The following ZNF652 variants were observed in gnomAD, a reference collection of about 807,000 sequenced individuals.
ZNF652 encodes the protein zinc finger protein 652.
In ZNF652, 16 loss-of-function variants were observed where a neutral mutation model predicts 45.2. The observed-to-expected ratio is 0.35, with a 90% CI of 0.24 to 0.54. ZNF652 has a LOEUF of 0.54. ZNF652 is among the 20% of genes least tolerant of loss of function. ZNF652 has a pLI of 0.91. For synonymous variants in ZNF652, 250 were observed against 260.6 expected (o/e 0.96, Z 0.39); for missense variants, 614 against 765.6 (o/e 0.80, Z 2.34).
At chr17:49,314,641 T>G (rs1477880138) in intron 2 of ZNF652, among the ~76,000 whole-genome samples, 1 of 152,202 alleles carries the variant, frequency 6.6e-6, no homozygotes, top group African/African-American at 2.4e-5. Context: ...TTAGGCATAA[T>G]GTGTATCAGA....
chr17:49,310,627 C>T (rs2069696533), intron 5 of ZNF652, among the ~76,000 whole-genome samples: 2 of 152,250 alleles, frequency 1.3e-5, no homozygotes, highest in African/African-American at 4.8e-5. Flanking sequence ...AGGGGCTGGG[C>T]TTGGTGGCTC....
At chr17:49,327,837 C>T (rs1400865636) in intron 1 of ZNF652, among the ~76,000 whole-genome samples, 7 of 118,332 alleles carry the variant, frequency 5.9e-5, no homozygotes, top group African/African-American at 1.9e-4. Flanking sequence ...AGGCTGGTCT[C>T]GAAGTCCTGG....
At chr17:49,305,185 T>C (rs903461948) in intron 5 of ZNF652, among the ~76,000 whole-genome samples, 4 of 152,302 alleles carry the variant, frequency 2.6e-5, no homozygotes, top group Admixed American at 2.6e-4. Context: ...ACCAAGTTCA[T>C]TCAAACAAAT....
At chr17:49,361,179 A>C (rs542260692) in intron 1 of ZNF652, 1 of 152,318 alleles carries the variant, frequency 6.6e-6, no homozygotes, top group African/African-American at 2.4e-5. Context: ...TCAAAGCTGG[A>C]CCTTTTCAGA....
intron 3 of ZNF652, 97 bp from the exon 4 acceptor site, chr17:49,312,139 T>A: frequency 1.4e-6 from 1 of 700,004 alleles, no homozygotes; most frequent in Non-Finnish European, 2.4e-6. Flanking sequence ...CATCCTAATT[T>A]TCTACACTGA....
rs888966997 is a variant in ZNF652, at chr17:49,289,601, C to T, written c.*8812G>A. The T allele has an allele frequency of 6.6e-6, 1 of 152,242 alleles. No individual in the cohort carries two copies. Among genetic ancestry groups the T allele is most frequent in the Non-Finnish European group, 1.5e-5 (1 of 68,058 alleles). 9.4% of individuals were successfully genotyped at this position (152,242 alleles called of 1,614,324 possible). ...AGCGGAGCTCAGTTCCACCTCACTG[C>T]AGTTCCCTGGGGCCAAGCAGCCCTC... On this transcript the variant is annotated 3_prime_UTR_variant, in exon 6 of 6. Coordinates refer to ENST00000430262, the MANE Select transcript of ZNF652 (RefSeq NM_001145365.3).
At position 49,312,159 on chromosome 17, in the gene ZNF652, C is replaced by CTTT. The variant is rs34553823; in HGVS notation, c.1049-120_1049-118dup. 8.4e-3 allele frequency: 1,163 copies of CTTT among 139,068 alleles called. 7 individuals carry two copies. The highest frequency in any genetic ancestry group is 0.01 in the African/African-American group (211 of 20,364). The allele number at this position is 139,068 out of a possible 1,614,324, so 8.6% of individuals were successfully genotyped here. ...TAATTTTCTACACTGATTTGTGAGG[C>CTTT]TTTTTTTTTTTTTTTTTTTTTTTTG... On this transcript the variant is annotated intron_variant, in intron 3 of 5. Coordinates refer to ENST00000430262, the MANE Select transcript of ZNF652 (RefSeq NM_001145365.3).
intron 1 of ZNF652, among the ~76,000 whole-genome samples, chr17:49,351,236 G>C (rs918667665): frequency 1.3e-5 from 2 of 151,364 alleles, no homozygotes; most frequent in African/African-American, 4.9e-5. Context: ...AAGAAAACCT[G>C]ACTGACTTCT....
At chr17:49,315,803 A>C (rs2069795423) in intron 2 of ZNF652, among the ~76,000 whole-genome samples, 1 of 152,226 alleles carries the variant, frequency 6.6e-6, no homozygotes, top group Admixed American at 6.5e-5. Context: ...CAATTGGTGA[A>C]TCAAAAGCGG....
At chr17:49,333,578 G>A (rs1387995158) in intron 1 of ZNF652, among the ~76,000 whole-genome samples, 1 of 121,582 alleles carries the variant, frequency 8.2e-6, no homozygotes, top group African/African-American at 2.9e-5. Context: ...AAATTACCCA[G>A]GTGTGGTGGC....
At chr17:49,336,610 C>T (rs1042384726) in intron 1 of ZNF652, among the ~76,000 whole-genome samples, 1 of 151,536 alleles carries the variant, frequency 6.6e-6, no homozygotes, top group Non-Finnish European at 1.5e-5. Flanking sequence ...ATTACGTGAG[C>T]CACGGTGCCC....
intron 1 of ZNF652, among the ~76,000 whole-genome samples, chr17:49,350,294 T>C (rs1477076782): frequency 6.6e-6 from 1 of 151,698 alleles, no homozygotes; most frequent in African/African-American, 2.4e-5. Flanking sequence ...ATCCCAGCAC[T>C]TTGGGAGGCC....
At chr17:49,346,484 G>A (rs1241283599) in intron 1 of ZNF652, among the ~76,000 whole-genome samples, 3 of 152,266 alleles carry the variant, frequency 2.0e-5, no homozygotes, top group African/African-American at 7.2e-5. Flanking sequence ...CTGGGAGGCA[G>A]AGGTTGCACT....
At chr17:49,342,029 T>C (rs2070152950) in intron 1 of ZNF652, among the ~76,000 whole-genome samples, 1 of 151,682 alleles carries the variant, frequency 6.6e-6, no homozygotes, top group Non-Finnish European at 1.5e-5. Flanking sequence ...CTACTAAAAG[T>C]ACAAAAATTA....
chr17:49,288,454 C>A (rs991603006), downstream of ZNF652: 6 of 152,136 alleles, frequency 3.9e-5, no homozygotes, highest in African/African-American at 7.2e-5. Context: ...TTAGAAGGAA[C>A]AAAATCAGGT....
rs2069451654 is a variant in ZNF652, at chr17:49,294,940, T to C, written c.*3473A>G. 1 of 152,204 alleles carries C rather than the reference T, an allele frequency of 6.6e-6. No individual in the cohort carries two copies. The highest frequency in any genetic ancestry group is 2.1e-4 in the South Asian group (1 of 4,834). 9.4% of individuals were successfully genotyped at this position (152,204 alleles called of 1,614,324 possible). On this transcript the variant is annotated 3_prime_UTR_variant, in exon 6 of 6. Coordinates refer to ENST00000430262, the MANE Select transcript of ZNF652 (RefSeq NM_001145365.3). ...AATTCATGGGGTGCTGTAGCATATA[T>C]GGAAGAGAACATACCACATAATGCA... is the stretch of plus-strand genomic sequence containing the variant.
intron 2 of ZNF652, 140 bp downstream of exon 2, chr17:49,316,686 G>A (rs771190956): frequency 3.2e-6 from 3 of 942,442 alleles, no homozygotes; most frequent in Non-Finnish European, 3.1e-6. Flanking sequence ...AAAGACCAAA[G>A]CAGGAGCTTT....
chr17:49,288,330 T>C (rs889615467), downstream of ZNF652: 16 of 152,292 alleles, frequency 1.1e-4, no homozygotes, highest in African/African-American at 3.4e-4. Context: ...TACAAGATGA[T>C]AAAGAATAGC....
At chr17:49,353,748 T>C (rs1428994614) in intron 1 of ZNF652, among the ~76,000 whole-genome samples, 2 of 152,180 alleles carry the variant, frequency 1.3e-5, no homozygotes, top group Non-Finnish European at 2.9e-5. Context: ...TGTGAATATG[T>C]GTGGGCACGC....
Sources: gnomAD v4.1 joint callset for allele counts (sites outside exome capture counted in the v4.1 genomes callset) on GRCh38, gnomAD v4.1.1 for gene constraint, MANE v1.5 for transcripts, NCBI Gene and HGNC (gene_info 2026-07-23, HGNC 2026-07-21) for gene names.